Variants in DOK5 observed in about 807,000 individuals in gnomAD.
DOK5 encodes the protein downstream of tyrosine kinase 5.
Under a neutral mutation model 43.3 loss-of-function variants are expected in DOK5, and 27 were observed. That is an observed-to-expected ratio of 0.62 (90% CI 0.46 to 0.86). The LOEUF (loss-of-function observed/expected upper bound fraction) is 0.86. Among genes scored for constraint, DOK5 ranks in the 40% least tolerant of loss-of-function variants. The probability of loss-of-function intolerance (pLI) is 0.00; values close to 1 mark genes in which losing one functional copy is unlikely to be tolerated. For missense variants in DOK5, 373 were observed against 392.9 expected (o/e 0.95, Z 0.43); for synonymous variants, 146 against 140.1 (o/e 1.04, Z -0.30).
Position 54,588,415 on chromosome 20 carries a change from C to T in DOK5, c.175-68C>T. The T allele has an allele frequency of 2.2e-6, 3 of 1,340,402 alleles. No individual in the cohort carries two copies. In the South Asian group the frequency reaches 3.5e-5, roughly 16 times the overall value. The allele number at this position is 1,340,402 out of a possible 1,614,324, so 83.0% of individuals were successfully genotyped here. A position where few individuals can be genotyped will look rare whatever the true frequency, so the allele number is the denominator to read the frequency against. On this transcript the variant is annotated intron_variant, in intron 2 of 7. Transcript: ENST00000262593. Reference sequence around the variant, plus strand: ...GTGCCATACTGATTTCCGGGCCTCACCTTTGGTGTTGTATACTGGAGACAT... The same window carrying T: ...GTGCCATACTGATTTCCGGGCCTCATCTTTGGTGTTGTATACTGGAGACAT...
chr20:54,566,707 C>T (rs1600706289), intron 2 of DOK5, among the ~76,000 whole-genome samples: 1 of 152,280 alleles, frequency 6.6e-6, no homozygotes, highest in Non-Finnish European at 1.5e-5. Flanking sequence ...GCCTTGAAGG[C>T]CTGGCCTCAA....
chr20:54,597,517 A>G (rs559882054), intron 5 of DOK5, among the ~76,000 whole-genome samples: 79 of 152,294 alleles, frequency 5.2e-4, no homozygotes, highest in African/African-American at 1.8e-3. Context: ...TCATTACCTC[A>G]TTTGAGCTAC....
intron 7 of DOK5, among the ~76,000 whole-genome samples, chr20:54,650,138 G>A (rs3787397): frequency 0.43 from 64,665 of 152,052 alleles, 15,949 homozygotes; most frequent in African/African-American, 0.69. Flanking sequence ...CATTTCTCCT[G>A]AATACCCTGG....
intron 2 of DOK5, among the ~76,000 whole-genome samples, chr20:54,578,203 TA>T (rs1824846653): frequency 1.3e-5 from 2 of 152,154 alleles, no homozygotes; most frequent in Non-Finnish European, 2.9e-5. Context: ...ATAATTTCTG[TA>T]AGAAATTACT....
intron 6 of DOK5, among the ~76,000 whole-genome samples, chr20:54,622,126 G>A (rs879312622): frequency 7.9e-5 from 12 of 151,744 alleles, no homozygotes; most frequent in East Asian, 1.9e-4. Flanking sequence ...CCCAGGAGTC[G>A]GAGGTTGCAG....
intron 5 of DOK5, among the ~76,000 whole-genome samples, chr20:54,599,443 C>A (rs111487786): frequency 7.9e-5 from 12 of 152,152 alleles, no homozygotes; most frequent in Non-Finnish European, 1.6e-4. Context: ...TTCTACTCCA[C>A]GGAGTAACCT....
intron 2 of DOK5, among the ~76,000 whole-genome samples, chr20:54,585,830 T>C (rs768941574): frequency 1.3e-5 from 2 of 152,204 alleles, no homozygotes; most frequent in Non-Finnish European, 2.9e-5. Flanking sequence ...ATAGTCTCTA[T>C]AAAAATGCTG....
chr20:54,476,581 T>TA (rs1981437604), intron 1 of DOK5, among the ~76,000 whole-genome samples: 1 of 152,044 alleles, frequency 6.6e-6, no homozygotes, highest in African/African-American at 2.4e-5. Context: ...CTTGGGTAGA[T>TA]ACTTGAATCT....
chr20:54,594,207 G>A (rs1324144635), intron 5 of DOK5, among the ~76,000 whole-genome samples: 1 of 151,980 alleles, frequency 6.6e-6, no homozygotes, highest in Admixed American at 6.6e-5. Context: ...TGGGTATATT[G>A]TACAAAAAAT....
At chr20:54,604,396 C>T (rs531330777) in intron 5 of DOK5, among the ~76,000 whole-genome samples, 1 of 151,844 alleles carries the variant, frequency 6.6e-6, no homozygotes, top group Non-Finnish European at 1.5e-5. Context: ...TTTCATTTTC[C>T]CAACGCTGAC....
At chr20:54,485,836 T>C (rs1981911325) in intron 1 of DOK5, among the ~76,000 whole-genome samples, 1 of 152,248 alleles carries the variant, frequency 6.6e-6, no homozygotes. Context: ...CACTGTGTTT[T>C]ATCTTAGCCA....
At chr20:54,548,056 C>G (rs1184224350) in intron 1 of DOK5, among the ~76,000 whole-genome samples, 1 of 152,040 alleles carries the variant, frequency 6.6e-6, no homozygotes, top group Non-Finnish European at 1.5e-5. Context: ...AGAGGTGCTA[C>G]TAAACATCCT....
intron 1 of DOK5, among the ~76,000 whole-genome samples, chr20:54,521,015 T>A (rs1175020723): frequency 6.6e-6 from 1 of 152,034 alleles, no homozygotes; most frequent in African/African-American, 2.4e-5. Context: ...CTCCTAAGAA[T>A]GATCTTTCCC....
intron 1 of DOK5, among the ~76,000 whole-genome samples, chr20:54,552,992 T>C (rs2146727241): frequency 6.6e-6 from 1 of 152,364 alleles, no homozygotes; most frequent in Middle Eastern, 3.4e-3. Flanking sequence ...ATGTAGACTT[T>C]GTTTTGTTTC....
At chr20:54,499,575 G>A (rs887913999) in intron 1 of DOK5, among the ~76,000 whole-genome samples, 1 of 152,218 alleles carries the variant, frequency 6.6e-6, no homozygotes, top group Non-Finnish European at 1.5e-5. Context: ...GCCAATAATA[G>A]TGGAATTATT....
chr20:54,520,062 C>T (rs148913433), intron 1 of DOK5, among the ~76,000 whole-genome samples: 1 of 152,286 alleles, frequency 6.6e-6, no homozygotes, highest in East Asian at 1.9e-4. Flanking sequence ...TGTTGCAATG[C>T]TTATGTTATT....
intron 2 of DOK5, among the ~76,000 whole-genome samples, chr20:54,561,960 T>G (rs186589460): frequency 6.6e-6 from 1 of 152,268 alleles, no homozygotes; most frequent in Non-Finnish European, 1.5e-5. Context: ...CCTGGCCACG[T>G]TTAAGCCTTT....
chr20:54,482,382 G>A (rs577090078), intron 1 of DOK5, among the ~76,000 whole-genome samples: 123 of 152,138 alleles, frequency 8.1e-4, no homozygotes, highest in Non-Finnish European at 1.5e-3. Context: ...ACGCTTTCAT[G>A]TTTCATTTGA....
intron 1 of DOK5, among the ~76,000 whole-genome samples, chr20:54,541,258 C>T (rs1984149672): frequency 6.6e-6 from 1 of 152,124 alleles, no homozygotes; most frequent in Non-Finnish European, 1.5e-5. Flanking sequence ...TCATCGTGGT[C>T]CAAGTCAGTA....
Sources: gnomAD v4.1 joint callset for allele counts (sites outside exome capture counted in the v4.1 genomes callset) on GRCh38, gnomAD v4.1.1 for gene constraint, MANE v1.5 for transcripts, NCBI Gene and HGNC (gene_info 2026-07-23, HGNC 2026-07-21) for gene names.